Variants in KCNC2 observed in about 807,000 individuals in gnomAD.
The protein encoded by KCNC2 is potassium voltage-gated channel subfamily C member 2.
In KCNC2, 21 loss-of-function variants were observed where a neutral mutation model predicts 44.5. The observed-to-expected ratio is 0.47, with a 90% CI of 0.33 to 0.68. The LOEUF (loss-of-function observed/expected upper bound fraction) is 0.68. KCNC2 is among the 30% of genes least tolerant of loss of function. The probability of loss-of-function intolerance (pLI) is 0.01; values close to 1 mark genes in which losing one functional copy is unlikely to be tolerated. For synonymous variants in KCNC2, 391 were observed against 339.1 expected, an observed-to-expected ratio of 1.15 and a Z score of -1.68; for missense variants, 589 against 826.2, an observed-to-expected ratio of 0.71 and a Z score of 3.52.
At chr12:75,177,578 T>C (rs1441679646) in intron 2 of KCNC2, among the ~76,000 whole-genome samples, 2 of 152,160 alleles carry the variant, frequency 1.3e-5, no homozygotes, top group African/African-American at 2.4e-5. Context: ...GGCCAGTTCA[T>C]TCAATTGTTC....
Position 75,040,181 on chromosome 12 carries a change from G to A in KCNC2, c.*2924C>T, listed in dbSNP as rs201434868. 6 of 151,874 alleles carry A rather than the reference G, an allele frequency of 4.0e-5. No homozygotes were observed. The highest frequency in any genetic ancestry group is 8.8e-5 in the Non-Finnish European group (6 of 67,924). The allele number at this position is 151,874 out of a possible 1,614,324, so 9.4% of individuals were successfully genotyped here. A position where few individuals can be genotyped will look rare whatever the true frequency, so the allele number is the denominator to read the frequency against. ...TACATTTCCACTGGTTATCATCAAGGTTGTGCATGCGCCTTGAAATGTTCA... is the reference window on the plus strand; with the variant it reads ...TACATTTCCACTGGTTATCATCAAGATTGTGCATGCGCCTTGAAATGTTCA... On this transcript the variant is annotated 3_prime_UTR_variant, in exon 5 of 5. Coordinates refer to ENST00000549446, the MANE Select transcript of KCNC2 (RefSeq NM_139137.4).
At chr12:75,069,512 CA>C (rs915939740) in intron 2 of KCNC2, among the ~76,000 whole-genome samples, 1 of 152,066 alleles carries the variant, frequency 6.6e-6, no homozygotes, top group Admixed American at 6.6e-5. Flanking sequence ...TTCATTCCGG[CA>C]GACTAAGATT....
intron 2 of KCNC2, among the ~76,000 whole-genome samples, chr12:75,152,952 T>C (rs1321052262): frequency 6.6e-6 from 1 of 151,864 alleles, no homozygotes; most frequent in Non-Finnish European, 1.5e-5. Context: ...ATTTAAAAAC[T>C]CAATTCACCC....
chr12:75,146,998 A>G (rs1431322090), intron 2 of KCNC2, among the ~76,000 whole-genome samples: 1 of 152,184 alleles, frequency 6.6e-6, no homozygotes, highest in Admixed American at 6.5e-5. Context: ...ATATTTACAC[A>G]TCATAAGACT....
chr12:75,055,781 G>A (rs1421030681), intron 2 of KCNC2, among the ~76,000 whole-genome samples: 2 of 151,906 alleles, frequency 1.3e-5, no homozygotes, highest in Admixed American at 1.3e-4. Context: ...CATAGTCCAG[G>A]ATCTCCATGG....
At chr12:75,078,674 A>G (rs773193494) in intron 2 of KCNC2, among the ~76,000 whole-genome samples, 2 of 152,178 alleles carry the variant, frequency 1.3e-5, no homozygotes, top group African/African-American at 4.8e-5. Context: ...TAACTTGCTT[A>G]AGGGCACATA....
At chr12:75,095,616 C>T (rs1033621014) in intron 2 of KCNC2, among the ~76,000 whole-genome samples, 1 of 151,756 alleles carries the variant, frequency 6.6e-6, no homozygotes, top group Non-Finnish European at 1.5e-5. Context: ...TTTTCACTTC[C>T]TCCTACAACT....
chr12:75,200,665 G>A (rs2031169865), intron 2 of KCNC2, among the ~76,000 whole-genome samples: 1 of 151,400 alleles, frequency 6.6e-6, no homozygotes, highest in South Asian at 2.1e-4. Flanking sequence ...ACAGAAATAT[G>A]GAGCACTATA....
intron 2 of KCNC2, among the ~76,000 whole-genome samples, chr12:75,137,415 G>C (rs1236066999): frequency 6.6e-6 from 1 of 152,028 alleles, no homozygotes; most frequent in East Asian, 1.9e-4. Flanking sequence ...TGCAAATACT[G>C]TATATATGTA....
intron 2 of KCNC2, among the ~76,000 whole-genome samples, chr12:75,155,039 A>G (rs531172195): frequency 6.6e-6 from 1 of 152,020 alleles, no homozygotes; most frequent in South Asian, 2.1e-4. Context: ...CTTCATGACC[A>G]TCACCAAACA....
chr12:75,155,048 C>G (rs1253858173), intron 2 of KCNC2, among the ~76,000 whole-genome samples: 1 of 151,662 alleles, frequency 6.6e-6, no homozygotes, highest in East Asian at 2.0e-4. Context: ...CATCACCAAA[C>G]AGTTTGGTGC....
chr12:75,058,795 A>G (rs1442485370), intron 2 of KCNC2, among the ~76,000 whole-genome samples: 1 of 152,014 alleles, frequency 6.6e-6, no homozygotes, highest in Non-Finnish European at 1.5e-5. Flanking sequence ...CTAAAACCAT[A>G]ACATAATCCC....
At chr12:75,163,149 G>C (rs1891228180) in intron 2 of KCNC2, among the ~76,000 whole-genome samples, 1 of 151,778 alleles carries the variant, frequency 6.6e-6, no homozygotes, top group African/African-American at 2.4e-5. Context: ...TAAGGGGAGA[G>C]AGAGGGAGAT....
chr12:75,073,034 A>G lies in KCNC2; in HGVS notation c.688-21717T>C, dbSNP rs2137043320. On this transcript the variant is annotated intron_variant, in intron 2 of 4. Coordinates refer to ENST00000549446, the MANE Select transcript of KCNC2 (RefSeq NM_139137.4). ...ACCCAAATCTGATCTAAACTGAAGC[A>G]AACTAAATTGAGAATTGCAGAACTC... Among the ~76,000 whole-genome samples the G allele has an allele frequency of 2.0e-5, 3 of 152,294 alleles. 1 individual carries two copies. The highest frequency in any genetic ancestry group is 2.0e-4 in the Admixed American group (3 of 15,294).
intron 2 of KCNC2, among the ~76,000 whole-genome samples, chr12:75,094,454 AT>A (rs1885753191): frequency 6.6e-6 from 1 of 151,730 alleles, no homozygotes; most frequent in African/African-American, 2.4e-5. Context: ...ACACAAGTAC[AT>A]CCATTCTCAT....
chr12:75,099,014 A>G (rs908237469), intron 2 of KCNC2, among the ~76,000 whole-genome samples: 8 of 152,280 alleles, frequency 5.3e-5, no homozygotes, highest in Admixed American at 3.3e-4. Context: ...TGCATGTGGC[A>G]AGTGAGCAAA....
At chr12:75,157,238 T>C (rs11180381) in intron 2 of KCNC2, among the ~76,000 whole-genome samples, 1 of 151,896 alleles carries the variant, frequency 6.6e-6, no homozygotes, top group Non-Finnish European at 1.5e-5. Context: ...TTCCATTTTT[T>C]GTTGGATTGT....
In KCNC2 at chr12:75,209,685, C is replaced by G. The variant is rs1052199332; in HGVS notation, c.-498G>C. On this transcript the variant is annotated 5_prime_UTR_variant, in exon 1 of 5. Coordinates refer to ENST00000549446, the MANE Select transcript of KCNC2 (RefSeq NM_139137.4). ...CCAAATCAGCCACTGCTGGAGCTGT[C>G]CCTTCAGCACCACTCGCCATCAACC... is the stretch of plus-strand genomic sequence containing the variant. 9 of 152,536 alleles carry G rather than the reference C, an allele frequency of 5.9e-5. No individual in the cohort carries two copies. The highest frequency in any genetic ancestry group is 2.2e-4 in the African/African-American group (9 of 41,458). 9.4% of individuals were successfully genotyped at this position (152,536 alleles called of 1,614,324 possible). A position where few individuals can be genotyped will look rare whatever the true frequency, so the allele number is the denominator to read the frequency against.
intron 2 of KCNC2, among the ~76,000 whole-genome samples, chr12:75,188,189 T>C (rs568501347): frequency 3.9e-5 from 6 of 152,188 alleles, no homozygotes; most frequent in Admixed American, 6.5e-5. Flanking sequence ...AGAGGAGTTA[T>C]CGATCTTTAT....
Sources: gnomAD v4.1 joint callset for allele counts (sites outside exome capture counted in the v4.1 genomes callset) on GRCh38, gnomAD v4.1.1 for gene constraint, MANE v1.5 for transcripts, NCBI Gene and HGNC (gene_info 2026-07-23, HGNC 2026-07-21) for gene names.